The following PCNX1 variants were observed in gnomAD, a reference collection of about 807,000 sequenced individuals.
The protein encoded by PCNX1 is pecanex-like protein 1.
PCNX1 carries 78 observed loss-of-function variants against 242.2 expected under a neutral mutation model. That is an observed-to-expected ratio of 0.32 (90% CI 0.27 to 0.39). PCNX1 has a LOEUF of 0.39. Among genes scored for constraint, PCNX1 ranks in the 10% least tolerant of loss-of-function variants. The probability of loss-of-function intolerance (pLI) is 1.00; values close to 1 mark genes in which losing one functional copy is unlikely to be tolerated. For missense variants in PCNX1, 2,581 were observed against 2,856.5 expected (o/e 0.90, Z 2.20); for synonymous variants, 1,024 against 1,032.9 (o/e 0.99, Z 0.17).
At chr14:71,055,273 A>G (rs1471405045) in intron 24 of PCNX1, among the ~76,000 whole-genome samples, 1 of 152,154 alleles carries the variant, frequency 6.6e-6, no homozygotes, top group Admixed American at 6.5e-5. Flanking sequence ...ACACTGTACA[A>G]TAAAAAAAAA....
intron 1 of PCNX1, among the ~76,000 whole-genome samples, chr14:70,911,763 C>T (rs961860468): frequency 2.6e-5 from 4 of 152,082 alleles, no homozygotes; most frequent in Non-Finnish European, 4.4e-5. Context: ...AAATTATTTA[C>T]CTTCAGAATG....
intron 6 of PCNX1, 104 bp downstream of exon 6, chr14:70,978,752 C>A: frequency 9.9e-7 from 1 of 1,010,664 alleles, no homozygotes. Flanking sequence ...ATTCCCCCTT[C>A]CACTGTGTTA....
At chr14:70,909,824 T>C (rs1437377590) in intron 1 of PCNX1, among the ~76,000 whole-genome samples, 1 of 152,114 alleles carries the variant, frequency 6.6e-6, no homozygotes, top group Non-Finnish European at 1.5e-5. Flanking sequence ...GCAGTCCCAC[T>C]CTTCCCAAAC....
At chr14:70,938,522 T>C (rs1337728311) in intron 1 of PCNX1, among the ~76,000 whole-genome samples, 2 of 152,200 alleles carry the variant, frequency 1.3e-5, no homozygotes, top group Non-Finnish European at 2.9e-5. Flanking sequence ...TGCTGCTGGA[T>C]TCGGTTTGCC....
rs1177948795 is a variant in PCNX1, at chr14:71,115,070, G to A, written c.*5135G>A. ...ATGAGCTCTGCATGAGGAAATGGAA[G>A]GAGGAATATTGAAAATGATTCTAGG... On this transcript the variant is annotated 3_prime_UTR_variant, in exon 36 of 36. Coordinates refer to ENST00000304743, the MANE Select transcript of PCNX1 (RefSeq NM_014982.3). 6.6e-6 allele frequency: 1 copy of A among 152,120 alleles called. No homozygotes were observed. Among genetic ancestry groups the A allele is most frequent in the African/African-American group, 2.4e-5 (1 of 41,310 alleles). The allele number at this position is 152,120 out of a possible 1,614,324, so 9.4% of individuals were successfully genotyped here.
intron 27 of PCNX1, among the ~76,000 whole-genome samples, chr14:71,074,990 C>CTTTTTTT (rs900279128): frequency 2.0e-5 from 2 of 101,106 alleles, no homozygotes; most frequent in Non-Finnish European, 3.9e-5. Flanking sequence ...CTTTTCTTCT[C>CTTTTTTT]TTTTTTTTTT....
At chr14:71,001,867 T>C (rs1395955390) in intron 8 of PCNX1, among the ~76,000 whole-genome samples, 1 of 152,244 alleles carries the variant, frequency 6.6e-6, no homozygotes, top group African/African-American at 2.4e-5. Context: ...CATGTGGCTT[T>C]CTTGCCTTGT....
intron 2 of PCNX1, among the ~76,000 whole-genome samples, chr14:70,955,241 G>A (rs911777537): frequency 1.3e-5 from 2 of 152,180 alleles, no homozygotes; most frequent in African/African-American, 4.8e-5. Context: ...GTTTCTCATG[G>A]CAGTAATGCT....
chr14:71,107,066 A>G (rs572427299), intron 33 of PCNX1, among the ~76,000 whole-genome samples: 8 of 151,872 alleles, frequency 5.3e-5, no homozygotes, highest in East Asian at 1.9e-4. Flanking sequence ...TCCCTTTGAC[A>G]TGAGATCTAC....
At chr14:70,996,997 A>G (rs1207584868) in intron 8 of PCNX1, among the ~76,000 whole-genome samples, 1 of 152,170 alleles carries the variant, frequency 6.6e-6, no homozygotes, top group East Asian at 1.9e-4. Flanking sequence ...GTAATCTAAG[A>G]TATTTATAAC....
At chr14:71,003,657 G>T (rs1228326134) in intron 8 of PCNX1, among the ~76,000 whole-genome samples, 1 of 152,186 alleles carries the variant, frequency 6.6e-6, no homozygotes, top group Non-Finnish European at 1.5e-5. Context: ...AAGTTCAGCT[G>T]ATTTGGGGAT....
chr14:71,094,531 A>G (rs1390323628), intron 30 of PCNX1, among the ~76,000 whole-genome samples: 1 of 152,182 alleles, frequency 6.6e-6, no homozygotes, highest in Admixed American at 6.5e-5. Context: ...GTCTTTGATG[A>G]TGTACTTTTA....
At chr14:70,981,001 A>G (rs1324618465) in intron 6 of PCNX1, among the ~76,000 whole-genome samples, 1 of 152,190 alleles carries the variant, frequency 6.6e-6, no homozygotes. Flanking sequence ...ACTTTAAAGT[A>G]CTAAAATAAA....
At chr14:70,920,661 C>T (rs2056341507) in intron 1 of PCNX1, among the ~76,000 whole-genome samples, 1 of 152,118 alleles carries the variant, frequency 6.6e-6, no homozygotes, top group Non-Finnish European at 1.5e-5. Flanking sequence ...TCATTTATGA[C>T]AGTATGGACA....
chr14:70,976,644 A>G (rs1309254938), intron 5 of PCNX1, among the ~76,000 whole-genome samples: 2 of 152,090 alleles, frequency 1.3e-5, no homozygotes, highest in African/African-American at 4.8e-5. Context: ...AAGTGCTGGG[A>G]TTACAAGCGT....
At chr14:71,105,503 AT>A in intron 33 of PCNX1, 63 bp downstream of exon 33, 1 of 1,272,008 alleles carries the variant, frequency 7.9e-7, no homozygotes, top group Non-Finnish European at 1.1e-6. Context: ...TGGTTAGTAT[AT>A]GTGTATAAAG....
chr14:71,047,707 A>G lies in PCNX1; in HGVS notation c.4161-100A>G, dbSNP rs1386711921. On this transcript the variant is annotated intron_variant, in intron 21 of 35. Transcript: ENST00000304743. ...TTGGAAGCTTACATTTAATGTATATATTATAAGCTTAGTAAAGTAAATGGT... is the reference window on the plus strand; with the variant it reads ...TTGGAAGCTTACATTTAATGTATATGTTATAAGCTTAGTAAAGTAAATGGT... 4 of 962,808 alleles carry G rather than the reference A, an allele frequency of 4.2e-6. No homozygotes were observed. The African/African-American group carries it at 5.0e-5, about 12-fold the overall frequency. The allele number at this position is 962,808 out of a possible 1,614,324, so 59.6% of individuals were successfully genotyped here.
rs1349746803 is a variant in PCNX1 at position 70,977,448 on chromosome 14, T to C, written c.1111T>C (p.Leu371=). The change falls in exon 6 of 36, where the codon TTG becomes CTG. Residue 371 remains leucine (L), a synonymous_variant. Coordinates refer to ENST00000304743, the MANE Select transcript of PCNX1 (RefSeq NM_014982.3). ...PLKAEKSMDS[L]RSLSTRSSGS... is the part of the protein sequence containing the mutation. ...GAAAGCAGAGAAAAGCATGGACAGC[T>C]TGAGGAGCCTGAGCACACGGAGTAG... 6.2e-7 allele frequency: 1 copy of C among 1,614,042 alleles called. No individual in the cohort carries two copies. Among genetic ancestry groups the C allele is most frequent in the South Asian group, 1.1e-5 (1 of 91,084 alleles).
At chr14:70,910,915 A>C (rs1475042779) in intron 1 of PCNX1, among the ~76,000 whole-genome samples, 2 of 152,222 alleles carry the variant, frequency 1.3e-5, no homozygotes, top group East Asian at 3.8e-4. Context: ...CTGCTAGGAA[A>C]GGGTAAGTAA....
Sources: gnomAD v4.1 joint callset for allele counts (sites outside exome capture counted in the v4.1 genomes callset) on GRCh38, gnomAD v4.1.1 for gene constraint, MANE v1.5 for transcripts, NCBI Gene and HGNC (gene_info 2026-07-23, HGNC 2026-07-21) for gene names.